The following OLA1 variants were observed in gnomAD, a reference collection of about 807,000 sequenced individuals.
OLA1 encodes Obg like ATPase 1, also known as obg-like ATPase 1.
A neutral mutation model predicts 48.4 loss-of-function variants in OLA1; 14 were observed. The ratio of observed to expected loss-of-function variants is 0.29; its 90% CI spans 0.19 to 0.45. OLA1 has a LOEUF of 0.45. Among genes scored for constraint, OLA1 ranks in the 20% least tolerant of loss-of-function variants. The pLI is 1.00. For missense variants in OLA1, 325 were observed against 467.1 expected (o/e 0.70, Z 2.80); for synonymous variants, 127 against 150.4 (o/e 0.84, Z 1.14).
chr2:174,099,312 C>T (rs778129725), intron 7 of OLA1, among the ~76,000 whole-genome samples: 10 of 152,090 alleles, frequency 6.6e-5, no homozygotes, highest in African/African-American at 2.2e-4. Context: ...CGTGCCACCA[C>T]GCCCAGCTAA....
intron 4 of OLA1, among the ~76,000 whole-genome samples, chr2:174,163,772 ATATAAAT>A (rs1687089430): frequency 2.9e-5 from 1 of 34,456 alleles, no homozygotes; most frequent in East Asian, 4.8e-3. Flanking sequence ...ATATATATAT[ATATAAAT>A]AAATGTTTGG....
intron 4 of OLA1, among the ~76,000 whole-genome samples, chr2:174,166,507 T>G (rs1430613395): frequency 6.6e-6 from 1 of 152,134 alleles, no homozygotes; most frequent in Non-Finnish European, 1.5e-5. Flanking sequence ...ACAACAAAGA[T>G]TGGCAGCCAA....
intron 4 of OLA1, among the ~76,000 whole-genome samples, chr2:174,198,243 G>A (rs975671039): frequency 2.0e-5 from 3 of 152,260 alleles, no homozygotes; most frequent in Admixed American, 1.3e-4. Context: ...TTACAGGCAT[G>A]AGCCACCGTG....
intron 7 of OLA1, among the ~76,000 whole-genome samples, chr2:174,083,784 A>T (rs1332447044): frequency 1.3e-5 from 2 of 152,250 alleles, no homozygotes; most frequent in Non-Finnish European, 2.9e-5. Context: ...CATACCAAAT[A>T]GATTCAATGA....
chr2:174,160,627 C>T (rs1044498674), intron 4 of OLA1, among the ~76,000 whole-genome samples: 1 of 152,100 alleles, frequency 6.6e-6, no homozygotes, highest in Admixed American at 6.5e-5. Flanking sequence ...AATCAAATGC[C>T]ATGGTAGACT....
intron 4 of OLA1, among the ~76,000 whole-genome samples, chr2:174,164,777 G>A (rs1405658665): frequency 1.3e-5 from 2 of 152,248 alleles, no homozygotes; most frequent in East Asian, 1.9e-4. Context: ...AGGAATTTAC[G>A]TAACTTCAGG....
At chr2:174,133,091 A>G (rs1011635134) in intron 5 of OLA1, among the ~76,000 whole-genome samples, 1 of 151,650 alleles carries the variant, frequency 6.6e-6, no homozygotes, top group African/African-American at 2.4e-5. Flanking sequence ...GCCACTTTTA[A>G]CTCCTTTAAA....
chr2:174,141,830 C>T lies in OLA1; in HGVS notation c.544G>A (p.Glu182Lys). The T allele has an allele frequency of 6.3e-7, 1 of 1,593,158 alleles. No individual in the cohort carries two copies. The highest frequency in any genetic ancestry group is 8.5e-7 in the Non-Finnish European group (1 of 1,174,744). Residue 182 changes from glutamate to lysine, a missense_variant, in exon 5 of 11, where the codon GAA becomes AAA. Transcript: ENST00000284719. ...VRGGDKKLKP[E>K]YDIMCKVKSW... ...AGCTGTAAATTTTTACTTACATATT[C>T]AGGTTTTAGTTTTTTATCTCCTCCT...
chr2:174,246,097 C>G (rs1689121164), intron 2 of OLA1, among the ~76,000 whole-genome samples: 1 of 151,652 alleles, frequency 6.6e-6, no homozygotes, highest in African/African-American at 2.4e-5. Flanking sequence ...GTCAGGGGTT[C>G]AAGACCAGCC....
intron 4 of OLA1, among the ~76,000 whole-genome samples, chr2:174,144,818 C>G (rs1030667855): frequency 1.3e-5 from 2 of 149,582 alleles, no homozygotes; most frequent in Non-Finnish European, 3.0e-5. Flanking sequence ...CATGGTGGTG[C>G]ACGCCTGTGG....
chr2:174,117,702 G>A (rs1685815610), intron 7 of OLA1, among the ~76,000 whole-genome samples: 1 of 152,102 alleles, frequency 6.6e-6, no homozygotes, highest in Non-Finnish European at 1.5e-5. Flanking sequence ...ACATTAGGCT[G>A]TAAAACACTG....
chr2:174,232,719 G>T (rs1387058519), intron 2 of OLA1, among the ~76,000 whole-genome samples: 2 of 152,168 alleles, frequency 1.3e-5, no homozygotes, highest in Non-Finnish European at 2.9e-5. Flanking sequence ...ATAAGTGTTG[G>T]CAAGAGTACA....
chr2:174,133,202 C>T (rs972906990), intron 5 of OLA1, among the ~76,000 whole-genome samples: 1 of 152,150 alleles, frequency 6.6e-6, no homozygotes, highest in African/African-American at 2.4e-5. Flanking sequence ...TCTGCATCTT[C>T]AACTTACAAT....
At chr2:174,144,822 C>A (rs1449447384) in intron 4 of OLA1, among the ~76,000 whole-genome samples, 1 of 149,558 alleles carries the variant, frequency 6.7e-6, no homozygotes, top group African/African-American at 2.5e-5. Flanking sequence ...GTGGTGCACG[C>A]CTGTGGTCTC....
chr2:174,176,227 G>C (rs549199094), intron 4 of OLA1, among the ~76,000 whole-genome samples: 1 of 152,058 alleles, frequency 6.6e-6, no homozygotes, highest in South Asian at 2.1e-4. Context: ...AGACAAACTT[G>C]ATATACATAC....
chr2:174,104,827 T>G (rs897084211), intron 7 of OLA1, among the ~76,000 whole-genome samples: 1 of 151,966 alleles, frequency 6.6e-6, no homozygotes, highest in Non-Finnish European at 1.5e-5. Context: ...CACATGATTT[T>G]CAACCACTTG....
intron 4 of OLA1, among the ~76,000 whole-genome samples, chr2:174,188,790 C>T (rs1370944606): frequency 6.6e-6 from 1 of 152,140 alleles, no homozygotes; most frequent in African/African-American, 2.4e-5. Flanking sequence ...TTACTTTCAG[C>T]TATGTGTATA....
intron 8 of OLA1, 121 bp from the exon 9 acceptor site, chr2:174,081,369 T>C (rs1176804330): frequency 1.0e-5 from 7 of 674,758 alleles, no homozygotes; most frequent in Non-Finnish European, 1.8e-5. Flanking sequence ...TGACCATTCA[T>C]CTTTCAGAAT....
At chr2:174,104,570 AT>A (rs1345715671) in intron 7 of OLA1, among the ~76,000 whole-genome samples, 3 of 152,002 alleles carry the variant, frequency 2.0e-5, no homozygotes, top group African/African-American at 4.8e-5. Flanking sequence ...TTGGTTCTTA[AT>A]TTCTTTCTTG....
Sources: gnomAD v4.1 joint callset for allele counts (sites outside exome capture counted in the v4.1 genomes callset) on GRCh38, gnomAD v4.1.1 for gene constraint, MANE v1.5 for transcripts, NCBI Gene and HGNC (gene_info 2026-07-23, HGNC 2026-07-21) for gene names.